The following MARK4 variants were observed in gnomAD, a reference collection of about 807,000 sequenced individuals.
MARK4 encodes the protein MAP/microtubule affinity-regulating kinase 4.
A neutral mutation model predicts 81.5 loss-of-function variants in MARK4; 19 were observed. That is an observed-to-expected ratio of 0.23 (90% CI 0.16 to 0.34). The LOEUF (loss-of-function observed/expected upper bound fraction) is 0.34, where lower values mean the gene tolerates loss of function less well. Ranked by LOEUF, MARK4 falls within the 10% of genes least tolerant of loss-of-function variation. The pLI, the probability that MARK4 is intolerant of heterozygous loss-of-function variation, is 1.00. For missense variants in MARK4, 772 were observed against 1,058.8 expected (o/e 0.73, Z 3.76); for synonymous variants, 436 against 439.0 (o/e 0.99, Z 0.08).
intron 10 of MARK4, chr19:45,280,125 G>T: frequency 2.3e-6 from 1 of 431,568 alleles, no homozygotes; most frequent in Non-Finnish European, 4.3e-6. Context: ...CAGGTGGGTG[G>T]ATTGCTTGTG....
rs777527070 is a variant in MARK4, at chr19:45,302,343, A to G, written c.1923-31A>G. The stretch of plus-strand genomic sequence containing the variant: ...CTCCACCACATTCCTCTTCGCTCCC[A>G]TCTCTGACCCCTGACATCTTCTCGC... On this transcript the variant is annotated intron_variant, in intron 16 of 16. Coordinates refer to ENST00000262891, the MANE Select transcript of MARK4 (RefSeq NM_001199867.2). The surrounding 1 kb of genome is among the most constrained non-coding windows in gnomAD (Gnocchi z 4.9). 6.2e-7 allele frequency: 1 copy of G among 1,613,852 alleles called. No individual in the cohort carries two copies. Among genetic ancestry groups the G allele is most frequent in the East Asian group, 2.2e-5 (1 of 44,868 alleles).
At chr19:45,291,237 T>C (rs186181050) in intron 13 of MARK4, among the ~76,000 whole-genome samples, 1 of 152,284 alleles carries the variant, frequency 6.6e-6, no homozygotes, top group Admixed American at 6.5e-5. Flanking sequence ...TAGGAAGGAC[T>C]GGAGGAGCGG....
chr19:45,271,806 C>A lies in MARK4; in HGVS notation c.786+98C>A. 1 of 1,171,410 alleles carries A rather than the reference C, an allele frequency of 8.5e-7. No homozygotes were observed. Among genetic ancestry groups the A allele is most frequent in the Non-Finnish European group, 1.2e-6 (1 of 822,674 alleles). The allele number at this position is 1,171,410 out of a possible 1,614,324, so 72.6% of individuals were successfully genotyped here. Reference sequence around the variant, plus strand: ...CCTGCAGAGGGCCTCAGTGGTGGGACTGGCCTGAGTTCTCATGGGAAGATG... The same window carrying A: ...CCTGCAGAGGGCCTCAGTGGTGGGAATGGCCTGAGTTCTCATGGGAAGATG... On this transcript the variant is annotated intron_variant, in intron 8 of 16. Transcript: ENST00000262891. The surrounding 1 kb of genome is among the most constrained non-coding windows in gnomAD (Gnocchi z 4.1).
At chr19:45,285,358 G>T (rs1970728892) in intron 12 of MARK4, among the ~76,000 whole-genome samples, 1 of 151,798 alleles carries the variant, frequency 6.6e-6, no homozygotes, top group Non-Finnish European at 1.5e-5. Flanking sequence ...CTGATATCGA[G>T]TCCAGTTGGG....
At chr19:45,297,130 A>C (rs959778799) in intron 14 of MARK4, among the ~76,000 whole-genome samples, 2 of 151,750 alleles carry the variant, frequency 1.3e-5, no homozygotes, top group South Asian at 2.1e-4. Context: ...AGGCAGGAGA[A>C]TTGAACTCAG....
intron 12 of MARK4, among the ~76,000 whole-genome samples, chr19:45,284,354 G>T (rs995261255): frequency 2.0e-5 from 3 of 146,410 alleles, no homozygotes; most frequent in Non-Finnish European, 3.0e-5. Flanking sequence ...GCAAAGTCTC[G>T]CTCCGTTGCC....
At position 45,285,540 on chromosome 19, in the gene MARK4, A is replaced by G. The variant is rs973229594; in HGVS notation, c.1277-1907A>G. 2.6e-5 allele frequency among the ~76,000 whole-genome samples: 4 copies of G among 152,082 alleles called. No homozygotes were observed. The East Asian group carries it at 7.7e-4, about 29-fold the overall frequency. On this transcript the variant is annotated intron_variant, in intron 12 of 16. Transcript: ENST00000262891. ...GTGGTGCTTCTGCCCTACCCCCACC[A>G]TTGCTGGAGGTCAAACCATTCCCTG...
rs1240155344 is a variant in MARK4 at position 45,266,316 on chromosome 19, C to T, written c.549+35C>T. 8 of 1,607,028 alleles carry T rather than the reference C, an allele frequency of 5.0e-6. No individual in the cohort carries two copies. The Admixed American group carries it at 5.0e-5, about 10-fold the overall frequency. On this transcript the variant is annotated intron_variant, in intron 7 of 16. Transcript: ENST00000262891. ...CGACCCGCTGTGATCTCAGGGACCACGGCTCAGCCCACAGACTTCTCCCTG... is the reference window on the plus strand; with the variant it reads ...CGACCCGCTGTGATCTCAGGGACCATGGCTCAGCCCACAGACTTCTCCCTG...
intron 8 of MARK4, among the ~76,000 whole-genome samples, chr19:45,275,781 C>T (rs565111590): frequency 7.2e-5 from 11 of 152,184 alleles, no homozygotes; most frequent in Admixed American, 6.5e-5. Context: ...CCGGGCTTCG[C>T]GGCGTTGTGA....
At chr19:45,280,865 T>C (rs1003836886) in intron 12 of MARK4, 131 bp downstream of exon 12, 20 of 1,301,842 alleles carry the variant, frequency 1.5e-5, no homozygotes, top group Admixed American at 1.1e-4. Flanking sequence ...GAGGAATGTC[T>C]TATAAAGACA....
At chr19:45,259,308 G>GAGAGTCGGGA in intron 2 of MARK4, 119 bp downstream of exon 2, 1 of 1,070,304 alleles carries the variant, frequency 9.3e-7, no homozygotes, top group Non-Finnish European at 1.3e-6. Context: ...GTAAGTTCCC[G>GAGAGTCGGGA]ACTCTCTATG....
At chr19:45,272,398 T>C (rs1003995271) in intron 8 of MARK4, among the ~76,000 whole-genome samples, 3 of 152,116 alleles carry the variant, frequency 2.0e-5, no homozygotes, top group Admixed American at 1.3e-4. Context: ...CTTGAAAACA[T>C]TGTGCTAAGT....
chr19:45,276,105 C>T lies in MARK4; in HGVS notation c.787-1818C>T, dbSNP rs528241639. Reference sequence around the variant, plus strand: ...GCAGTGGTGCAGTCACAGCTCACTGCAGCCTCAACCTCCCGGGCTCAAGCA... The same window carrying T: ...GCAGTGGTGCAGTCACAGCTCACTGTAGCCTCAACCTCCCGGGCTCAAGCA... On this transcript the variant is annotated intron_variant, in intron 8 of 16. Transcript: ENST00000262891. 9.7e-4 allele frequency among the ~76,000 whole-genome samples: 147 copies of T among 152,294 alleles called. 2 individuals carry two copies. Among genetic ancestry groups the T allele is most frequent in the Non-Finnish European group, 1.3e-3 (88 of 68,016 alleles).
chr19:45,301,841 G>T (rs1258929932), intron 16 of MARK4, among the ~76,000 whole-genome samples: 1 of 148,360 alleles, frequency 6.7e-6, no homozygotes, highest in African/African-American at 2.5e-5. Flanking sequence ...CTCCAGCCTG[G>T]GTAACAAGAG....
rs1320401656 is a variant in MARK4, at chr19:45,271,765, T to TC, written c.786+64dup. On this transcript the variant is annotated intron_variant, in intron 8 of 16. Coordinates refer to ENST00000262891, the MANE Select transcript of MARK4 (RefSeq NM_001199867.2). The surrounding 1 kb of genome is among the most constrained non-coding windows in gnomAD (Gnocchi z 4.1). Reference sequence around the variant, plus strand: ...GCCCCTCCCCACAGTCAGGCCCCTATCCCCCCCACACCTCCCCTGCAGAGG... The same window carrying TC: ...GCCCCTCCCCACAGTCAGGCCCCTATCCCCCCCCACACCTCCCCTGCAGAGG... 46 of 1,499,342 alleles carry TC rather than the reference T, an allele frequency of 3.1e-5. No individual in the cohort carries two copies. Among genetic ancestry groups the TC allele is most frequent in the African/African-American group, 5.5e-5 (4 of 72,162 alleles). The allele number at this position is 1,499,342 out of a possible 1,614,324, so 92.9% of individuals were successfully genotyped here. A position where few individuals can be genotyped will look rare whatever the true frequency, so the allele number is the denominator to read the frequency against.
At chr19:45,270,761 G>T (rs192443318) in intron 7 of MARK4, among the ~76,000 whole-genome samples, 2 of 151,606 alleles carry the variant, frequency 1.3e-5, no homozygotes, top group Non-Finnish European at 2.9e-5. Context: ...CACCATGCCC[G>T]GCTAATTTTT....
intron 12 of MARK4, among the ~76,000 whole-genome samples, chr19:45,285,536 C>A (rs529029439): frequency 1.7e-4 from 26 of 152,234 alleles, no homozygotes; most frequent in Non-Finnish European, 3.8e-4. Flanking sequence ...GCCCTACCCC[C>A]ACCATTGCTG....
intron 8 of MARK4, among the ~76,000 whole-genome samples, chr19:45,273,717 G>T (rs540421204): frequency 3.2e-4 from 49 of 152,226 alleles, no homozygotes; most frequent in Non-Finnish European, 6.3e-4. Context: ...GGAATCGGGG[G>T]TGCATTGGGG....
At chr19:45,293,887 T>A (rs1156661169) in intron 13 of MARK4, among the ~76,000 whole-genome samples, 1 of 152,146 alleles carries the variant, frequency 6.6e-6, no homozygotes, top group Non-Finnish European at 1.5e-5. Context: ...GATTATGAAC[T>A]GACACCTGAA....
Sources: gnomAD v4.1 joint callset for allele counts (sites outside exome capture counted in the v4.1 genomes callset) on GRCh38, gnomAD v4.1.1 for gene constraint, Gnocchi (gnomAD v3.1) non-coding constraint, MANE v1.5 for transcripts, NCBI Gene and HGNC (gene_info 2026-07-23, HGNC 2026-07-21) for gene names.